Variants in ASB15 observed in about 807,000 individuals in gnomAD.
ASB15 encodes ankyrin repeat and SOCS box containing 15, also known as ankyrin repeat and SOCS box protein 15.
ASB15 carries 54 observed loss-of-function variants against 58.0 expected under a neutral mutation model. The observed-to-expected ratio is 0.93, with a 90% CI of 0.75 to 1.17. ASB15 has a LOEUF of 1.17. ASB15 is among the 50% of genes most tolerant of loss of function. The pLI is 0.00. For missense variants in ASB15, 680 were observed against 707.4 expected (o/e 0.96, Z 0.44); for synonymous variants, 249 against 262.4 (o/e 0.95, Z 0.50).
At chr7:123,603,461 T>C (rs959825848) in intron 1 of ASB15, among the ~76,000 whole-genome samples, 7 of 151,710 alleles carry the variant, frequency 4.6e-5, no homozygotes, top group African/African-American at 7.3e-5. Context: ...GATGGTCTTA[T>C]TATCAAAAAG....
upstream of ASB15, among the ~76,000 whole-genome samples, chr7:123,599,183 G>A (rs1040295820): frequency 4.6e-5 from 7 of 152,120 alleles, no homozygotes; most frequent in East Asian, 1.3e-3. Flanking sequence ...ATGAAGCCAA[G>A]AGAGATATAC....
intron 7 of ASB15, among the ~76,000 whole-genome samples, chr7:123,619,492 A>G (rs1046668272): frequency 1.3e-5 from 2 of 152,070 alleles, no homozygotes; most frequent in African/African-American, 4.8e-5. Flanking sequence ...GAGGGTCTCC[A>G]CGGCACGGTG....
upstream of ASB15, among the ~76,000 whole-genome samples, chr7:123,599,475 A>T (rs985570781): frequency 2.6e-5 from 4 of 152,186 alleles, no homozygotes; most frequent in Non-Finnish European, 4.4e-5. Context: ...GCTGTTTTTT[A>T]AAATCCAGGC....
At chr7:123,568,651 T>G (rs1798825227) in intron 1 of ASB15, among the ~76,000 whole-genome samples, 2 of 152,168 alleles carry the variant, frequency 1.3e-5, no homozygotes, top group Non-Finnish European at 2.9e-5. Flanking sequence ...GCTCCTCATT[T>G]AAAAGCAAGA....
chr7:123,621,421 C>T (rs1289105999), intron 7 of ASB15: 1 of 152,178 alleles, frequency 6.6e-6, no homozygotes, highest in Non-Finnish European at 1.5e-5. Context: ...TTGTGGAACC[C>T]ATGCCAAGTC....
chr7:123,624,733 A>G lies in ASB15; in HGVS notation c.616A>G (p.Arg206Gly). The change falls in exon 8 of 12, where the codon AGA becomes GGA. Residue 206 changes from arginine to glycine, a missense_variant. Arg to Gly is a moderately radical substitution (Grantham distance 125). Transcript: ENST00000451215. ...GAAACATGGAGGCAATGTCCACCTG[A>G]GAGATGGATTTGGAGTCACACCACT... is the stretch of plus-strand genomic sequence containing the variant. ...LLKHGGNVHL[R>G]DGFGVTPLGV... is the part of the protein sequence containing the mutation. The G allele has an allele frequency of 6.2e-7, 1 of 1,614,126 alleles. No homozygotes were observed. Among genetic ancestry groups the G allele is most frequent in the Non-Finnish European group, 8.5e-7 (1 of 1,179,962 alleles).
At chr7:123,577,284 TGTTATTTTG>T (rs1799093099) in intron 1 of ASB15, among the ~76,000 whole-genome samples, 1 of 152,174 alleles carries the variant, frequency 6.6e-6, no homozygotes, top group African/African-American at 2.4e-5. Flanking sequence ...TTGTGCTATG[TGTTATTTTG>T]GTGAATGTTA....
chr7:123,620,527 TA>T (rs1801195871), intron 7 of ASB15, among the ~76,000 whole-genome samples: 3 of 18,322 alleles, frequency 1.6e-4, no homozygotes, highest in East Asian at 2.0e-3. Context: ...TATATATATA[TA>T]TATATATATA....
intron 11 of ASB15, among the ~76,000 whole-genome samples, chr7:123,632,768 G>A (rs1387481307): frequency 6.6e-6 from 1 of 151,708 alleles, no homozygotes; most frequent in Non-Finnish European, 1.5e-5. Flanking sequence ...GGGAACATAA[G>A]AAATACAAAA....
chr7:123,638,799 A>G lies in ASB15; in HGVS notation c.*1818A>G, dbSNP rs1802529925. On this transcript the variant is annotated 3_prime_UTR_variant, in exon 12 of 12. Transcript: ENST00000451215. The stretch of plus-strand genomic sequence containing the variant: ...TCTCAGCTGAGATGTTGCTTCCTCT[A>G]GGATGGGAAGCCTCAGCACAGAACT... 6.6e-6 allele frequency: 1 copy of G among 152,154 alleles called. No homozygotes were observed. Among genetic ancestry groups the G allele is most frequent in the Non-Finnish European group, 1.5e-5 (1 of 68,050 alleles). The allele number at this position is 152,154 out of a possible 1,614,324, so 9.4% of individuals were successfully genotyped here. A position where few individuals can be genotyped will look rare whatever the true frequency, so the allele number is the denominator to read the frequency against.
chr7:123,635,390 T>G (rs1802365305), intron 11 of ASB15, among the ~76,000 whole-genome samples: 1 of 152,116 alleles, frequency 6.6e-6, no homozygotes, highest in South Asian at 2.1e-4. Flanking sequence ...GTCTCTTTTT[T>G]AGCTTGGAGA....
intron 3 of ASB15, among the ~76,000 whole-genome samples, chr7:123,609,641 A>C (rs1800331387): frequency 6.6e-6 from 1 of 152,220 alleles, no homozygotes; most frequent in Admixed American, 6.5e-5. Flanking sequence ...GCATGTAAGC[A>C]GGAGTAAACC....
intron 1 of ASB15, among the ~76,000 whole-genome samples, chr7:123,574,806 T>G (rs1478407132): frequency 6.6e-6 from 1 of 152,150 alleles, no homozygotes; most frequent in African/African-American, 2.4e-5. Context: ...ACAGGCAGCT[T>G]ACACATCTTT....
chr7:123,584,308 CAAAAAAAA>C (rs59126257), intron 1 of ASB15, among the ~76,000 whole-genome samples: 16 of 99,504 alleles, frequency 1.6e-4, no homozygotes, highest in South Asian at 6.9e-4. Flanking sequence ...AAGGCCTTGT[CAAAAAAAA>C]AAAAAAAAAA....
At chr7:123,624,857 C>G (rs754546675) in intron 8 of ASB15, 43 bp downstream of exon 8, 4 of 1,572,178 alleles carry the variant, frequency 2.5e-6, no homozygotes, top group South Asian at 1.2e-5. Flanking sequence ...TGTCCTGCCT[C>G]TCGAACTCTC....
chr7:123,639,431 G>A lies in ASB15; in HGVS notation c.*2450G>A, dbSNP rs1250043930. The A allele has an allele frequency of 6.6e-6, 1 of 152,090 alleles. No individual in the cohort carries two copies. Among genetic ancestry groups the A allele is most frequent in the Non-Finnish European group, 1.5e-5 (1 of 67,998 alleles). The allele number at this position is 152,090 out of a possible 1,614,324, so 9.4% of individuals were successfully genotyped here. On this transcript the variant is annotated 3_prime_UTR_variant, in exon 12 of 12. Coordinates refer to ENST00000451215, the MANE Select transcript of ASB15 (RefSeq NM_001290258.2). ...CTAATGAATAAAAAATCATATTGAG[G>A]TTATAAGTCTGCTTTATGATACTTC...
At chr7:123,623,986 AG>A (rs1258703074) in intron 7 of ASB15, among the ~76,000 whole-genome samples, 16 of 145,854 alleles carry the variant, frequency 1.1e-4, no homozygotes, top group Admixed American at 4.1e-4. Flanking sequence ...AAAGAAAGAA[AG>A]AAAGAAAGAG....
intron 7 of ASB15, among the ~76,000 whole-genome samples, chr7:123,620,550 A>T (rs1385449375): frequency 5.5e-4 from 10 of 18,300 alleles, no homozygotes; most frequent in Non-Finnish European, 7.5e-4. Context: ...ATATATATAT[A>T]TATATTTTTT....
chr7:123,615,262 T>G (rs928748833), intron 4 of ASB15: 1 of 152,186 alleles, frequency 6.6e-6, no homozygotes, highest in Non-Finnish European at 1.5e-5. Context: ...AGTAAATTTC[T>G]TTCTTAAAAA....
Sources: allele counts gnomAD v4.1 joint callset (sites outside exome capture counted in the v4.1 genomes callset), GRCh38; gene constraint gnomAD v4.1.1; transcripts MANE v1.5; gene names NCBI Gene and HGNC (gene_info 2026-07-23, HGNC 2026-07-21).